ITFG2: variants seen among roughly 807,000 people sequenced by gnomAD.
ITFG2 encodes KICSTOR complex protein ITFG2.
A neutral mutation model predicts 54.4 loss-of-function variants in ITFG2; 36 were observed. The ratio of observed to expected loss-of-function variants is 0.66; its 90% CI spans 0.51 to 0.87. ITFG2 has a LOEUF of 0.87. ITFG2 is among the 40% of genes least tolerant of loss of function. The pLI, the probability that ITFG2 is intolerant of heterozygous loss-of-function variation, is 0.00. For synonymous variants in ITFG2, 211 were observed against 225.4 expected (o/e 0.94, Z 0.57); for missense variants, 524 against 576.7 (o/e 0.91, Z 0.94).
intron 2 of ITFG2, chr12:2,856,887 C>T: frequency 1.4e-6 from 1 of 701,770 alleles, no homozygotes; most frequent in East Asian, 2.7e-5. Context: ...GCCTGGCCCA[C>T]TATAAGGGAC....
intron 1 of ITFG2, among the ~76,000 whole-genome samples, chr12:2,814,231 A>G (rs2097916266): frequency 6.6e-6 from 1 of 152,226 alleles, no homozygotes; most frequent in Admixed American, 6.5e-5. Flanking sequence ...AGGTGTAAGC[A>G]ACCTCACCAG....
chr12:2,830,963 C>G (rs572993813), downstream of ITFG2: 27 of 1,283,290 alleles, frequency 2.1e-5, no homozygotes, highest in East Asian at 3.4e-4. Context: ...CCCCACCCCC[C>G]CAGCCCTGAG....
At chr12:2,820,935 G>T in intron 6 of ITFG2, 63 bp downstream of exon 6, 10 of 1,553,690 alleles carry the variant, frequency 6.4e-6, no homozygotes, top group Non-Finnish European at 8.8e-6. Flanking sequence ...GCTCCCAGAT[G>T]CCACATGGTA....
rs2097945593 is a variant in ITFG2 at position 2,821,769 on chromosome 12, G to A, written c.925G>A (p.Ala309Thr). Reference sequence around the variant, plus strand: ...AGTGCAGGTGGATCACCAGCTCTTTGCCCTGGAGAAACTGGATGTCACCGT... The same window carrying A: ...AGTGCAGGTGGATCACCAGCTCTTTACCCTGGAGAAACTGGATGTCACCGT... Reference protein sequence around the residue: ...WSVQVDHQLFALEKLDVTGNG... With the variant: ...WSVQVDHQLFTLEKLDVTGNG... Residue 309 changes from alanine to threonine, a missense_variant, in exon 9 of 12, where the codon GCC becomes ACC. Transcript: ENST00000228799. 1.9e-6 allele frequency: 3 copies of A among 1,614,032 alleles called. No homozygotes were observed. The highest frequency in any genetic ancestry group is 2.5e-6 in the Non-Finnish European group (3 of 1,179,922).
chr12:2,842,262 C>T (rs2098043172), intron 2 of ITFG2, among the ~76,000 whole-genome samples: 1 of 150,926 alleles, frequency 6.6e-6, no homozygotes, highest in Non-Finnish European at 1.5e-5. Context: ...GCTGGGACTA[C>T]AGGCATGTGC....
At chr12:2,812,929 C>T in intron 1 of ITFG2, 73 bp downstream of exon 1, 2 of 1,291,710 alleles carry the variant, frequency 1.5e-6, no homozygotes, top group Non-Finnish European at 1.1e-6. Context: ...GAAGAGGCCG[C>T]CCGAGCGTGC....
chr12:2,821,933 T>TCC, intron 9 of ITFG2, 141 bp downstream of exon 9: 1 of 342,090 alleles, frequency 2.9e-6, no homozygotes, highest in Non-Finnish European at 5.1e-6. Context: ...TTTTTTTCCT[T>TCC]TTTTTTTTTT....
intron 1 of ITFG2, among the ~76,000 whole-genome samples, chr12:2,839,503 G>GA (rs944730403): frequency 1.3e-5 from 2 of 152,302 alleles, no homozygotes; most frequent in East Asian, 1.9e-4. Flanking sequence ...AATGCTGAGA[G>GA]AAAAAATGAA....
At chr12:2,856,918 A>G in intron 2 of ITFG2, 2 of 703,004 alleles carry the variant, frequency 2.8e-6, no homozygotes, top group Non-Finnish European at 5.2e-6. Context: ...CCAGTGGGGT[A>G]CAAAAAGGTA....
chr12:2,847,284 C>T (rs1413809209), intron 2 of ITFG2, among the ~76,000 whole-genome samples: 1 of 152,130 alleles, frequency 6.6e-6, no homozygotes, highest in East Asian at 1.9e-4. Context: ...TGGTCCCTTC[C>T]CAATGTTGTG....
chr12:2,822,808 G>A lies in ITFG2; in HGVS notation c.963G>A (p.Glu321=), dbSNP rs1398607685. 1 of 1,613,906 alleles carries A rather than the reference G, an allele frequency of 6.2e-7. No homozygotes were observed. The highest frequency in any genetic ancestry group is 8.5e-7 in the Non-Finnish European group (1 of 1,179,896). Residue 321 remains glutamate (E), a synonymous_variant, in exon 10 of 12, where the codon GAG becomes GAA. Coordinates refer to ENST00000228799, the MANE Select transcript of ITFG2 (RefSeq NM_018463.4). ...TCCTTTTTCAGGGCAACGGGCATGA[G>A]GAGGTAGTTGCATGCGCCTGGGATG... The part of the protein sequence containing the change: ...EKLDVTGNGH[E]EVVACAWDGQ...
In ITFG2 at chr12:2,817,968, C is replaced by T. The variant is rs760939919; in HGVS notation, c.234+18C>T. On this transcript the variant is annotated intron_variant, in intron 3 of 11. Transcript: ENST00000228799. Reference sequence around the variant, plus strand: ...AAGGAAAGGTAAGAACTATAGGGGACCTTCCTTGGTTCTTAGCTCACAGTG... The same window carrying T: ...AAGGAAAGGTAAGAACTATAGGGGATCTTCCTTGGTTCTTAGCTCACAGTG... 1 of 1,612,826 alleles carries T rather than the reference C, an allele frequency of 6.2e-7. No homozygotes were observed. The highest frequency in any genetic ancestry group is 1.7e-5 in the Admixed American group (1 of 59,772).
chr12:2,828,203 C>G (rs140565654), downstream of ITFG2: 233 of 1,156,094 alleles, frequency 2.0e-4, no homozygotes, highest in African/African-American at 2.4e-3. Flanking sequence ...CTTCTAGCCA[C>G]TCTTTTGTTA....
chr12:2,820,969 G>C, intron 6 of ITFG2, 97 bp downstream of exon 6: 1 of 1,322,320 alleles, frequency 7.6e-7, no homozygotes, highest in Admixed American at 2.1e-5. Flanking sequence ...GCAGTTGGCA[G>C]AGCTGCCTCA....
upstream of ITFG2, chr12:2,835,243 G>T: frequency 1.0e-6 from 1 of 977,222 alleles, no homozygotes; most frequent in Non-Finnish European, 1.2e-6. Flanking sequence ...CTGTCAGGGT[G>T]CCCGTGCCAG....
rs2097955043 is a variant in ITFG2 at position 2,823,927 on chromosome 12, G to A, written c.1224G>A (p.Leu408=). The change falls in exon 11 of 12, where the codon CTG becomes CTA. Residue 408 remains leucine, a synonymous_variant. Transcript: ENST00000228799. ...CCAAGCCGGAGTACCACAGCCTGCTGCAGGAGCTGGGCGTGGGTGAGTCCC... is the reference window on the plus strand; with the variant it reads ...CCAAGCCGGAGTACCACAGCCTGCTACAGGAGCTGGGCGTGGGTGAGTCCC... ...LETKPEYHSL[L]QELGVDPDDL... 14 of 1,613,298 alleles carry A rather than the reference G, an allele frequency of 8.7e-6. No homozygotes were observed. Among genetic ancestry groups the A allele is most frequent in the Non-Finnish European group, 1.2e-5 (14 of 1,179,568 alleles).
At chr12:2,858,748 T>G (rs140519202) in intron 3 of ITFG2, 5 of 1,614,190 alleles carry the variant, frequency 3.1e-6, no homozygotes, top group Non-Finnish European at 4.2e-6. Context: ...AGGCTGTCAT[T>G]CATTGTGTCC....
intron 1 of ITFG2, among the ~76,000 whole-genome samples, chr12:2,840,455 C>CA (rs34247255): frequency 0.12 from 14,283 of 118,500 alleles, 1,127 homozygotes; most frequent in East Asian, 0.31. Flanking sequence ...GACTCTGTCT[C>CA]AAAAAAAAAA....
intron 2 of ITFG2, among the ~76,000 whole-genome samples, chr12:2,850,411 T>A (rs1043110228): frequency 2.7e-5 from 4 of 145,856 alleles, no homozygotes; most frequent in African/African-American, 1.0e-4. Flanking sequence ...GAGGAGGAGG[T>A]TGCAAGCAGT....
Sources: allele counts gnomAD v4.1 joint callset (sites outside exome capture counted in the v4.1 genomes callset), GRCh38; gene constraint gnomAD v4.1.1; transcripts MANE v1.5; gene names NCBI Gene and HGNC (gene_info 2026-07-23, HGNC 2026-07-21).